The following RLN2 variants were observed in gnomAD, a reference collection of about 807,000 sequenced individuals.
RLN2 encodes the protein relaxin 2.
A neutral mutation model predicts 7.3 loss-of-function variants in RLN2; 10 were observed. The ratio of observed to expected loss-of-function variants is 1.36; its 90% CI spans 0.84 to 2.31. The LOEUF is 2.31. RLN2 is among the 30% of genes most tolerant of loss of function. The pLI, the probability that RLN2 is intolerant of heterozygous loss-of-function variation, is 0.00. For missense variants in RLN2, 298 were observed against 217.6 expected, an observed-to-expected ratio of 1.37 and a Z score of -2.32; for synonymous variants, 103 against 82.3, an observed-to-expected ratio of 1.25 and a Z score of -1.36.
the RLN2 span, among the ~76,000 whole-genome samples, chr9:5,310,524 G>T: frequency 6.6e-6 from 1 of 151,962 alleles, no homozygotes; most frequent in Non-Finnish European, 1.5e-5. Flanking sequence ...AGATCTTTCA[G>T]ATCCCCCAAT....
At chr9:5,304,209 A>C (rs1342469877) in intron 1 of RLN2, 161 bp downstream of exon 1, 2 of 546,716 alleles carry the variant, frequency 3.7e-6, no homozygotes, top group African/African-American at 6.0e-5. Context: ...GGCAAAGGAA[A>C]AGCCCAAACT....
the RLN2 span, among the ~76,000 whole-genome samples, chr9:5,322,681 C>A: frequency 6.6e-6 from 1 of 151,820 alleles, no homozygotes; most frequent in Non-Finnish European, 1.5e-5. Context: ...TCCCAACCCA[C>A]AATAGAATAT....
chr9:5,322,538 G>A, the RLN2 span, among the ~76,000 whole-genome samples: 68 of 151,890 alleles, frequency 4.5e-4, no homozygotes, highest in Middle Eastern at 3.4e-3. Context: ...TTTTTTTGTA[G>A]CAAGTGCTTT....
chr9:5,312,682 T>C, the RLN2 span, among the ~76,000 whole-genome samples: 2 of 151,958 alleles, frequency 1.3e-5, no homozygotes, highest in East Asian at 3.9e-4. Context: ...TGATTGTTTA[T>C]GGAGAGTATC....
chr9:5,317,468 C>A, the RLN2 span, among the ~76,000 whole-genome samples: 1 of 147,656 alleles, frequency 6.8e-6, no homozygotes, highest in African/African-American at 2.5e-5. Flanking sequence ...AAAAAAATAG[C>A]TGGGCTACAC....
chr9:5,324,689 C>T, the RLN2 span, among the ~76,000 whole-genome samples: 142 of 152,058 alleles, frequency 9.3e-4, 1 homozygote, highest in African/African-American at 3.2e-3. Flanking sequence ...ATAATTTGAA[C>T]CACCAGAACA....
Position 5,304,475 on chromosome 9 carries a change from C to G in RLN2, c.106G>C (p.Gly36Arg). Residue 36 changes from glycine (G) to arginine (R), a missense_variant, in exon 1 of 2, where the codon GGC (glycine) becomes CGC (arginine). Physicochemically the swap from Gly to Arg is moderately radical, Grantham distance 125. Transcript: ENST00000381627. ...SWMEEVIKLCGRELVRAQIAI... is the reference protein window; with the variant it reads ...SWMEEVIKLCRRELVRAQIAI... ...ATCTGCGCGCGAACTAATTCGCGGC[C>G]GCATAATTTAATAACTTCCTCCATC... The G allele has an allele frequency of 1.2e-6, 2 of 1,613,554 alleles. No homozygotes were observed. The highest frequency in any genetic ancestry group is 8.5e-7 in the Non-Finnish European group (1 of 1,179,872).
upstream of RLN2, among the ~76,000 whole-genome samples, chr9:5,307,271 G>A (rs960329969): frequency 1.4e-5 from 2 of 143,488 alleles, no homozygotes; most frequent in East Asian, 2.1e-4. Flanking sequence ...GATAGATAGA[G>A]GATAGATAGA....
the RLN2 span, among the ~76,000 whole-genome samples, chr9:5,333,286 TAAA>T: frequency 6.6e-6 from 1 of 151,714 alleles, no homozygotes; most frequent in African/African-American, 2.4e-5. Context: ...ACAACACTGA[TAAA>T]GAAGAAAAAG....
chr9:5,308,742 G>C (rs948380520), upstream of RLN2, among the ~76,000 whole-genome samples: 1 of 152,072 alleles, frequency 6.6e-6, no homozygotes, highest in Non-Finnish European at 1.5e-5. Flanking sequence ...CTGACCACAA[G>C]TTTCCTCCCT....
At chr9:5,304,280 G>A (rs1314220973) in intron 1 of RLN2, 90 bp downstream of exon 1, 4 of 829,882 alleles carry the variant, frequency 4.8e-6, no homozygotes, top group Admixed American at 2.3e-5. Flanking sequence ...ATCTCGAGTC[G>A]GACGTGCAGG....
At chr9:5,336,640 T>C in the RLN2 span, among the ~76,000 whole-genome samples, 4 of 152,122 alleles carry the variant, frequency 2.6e-5, no homozygotes, top group Non-Finnish European at 5.9e-5. Context: ...ATCCTAATTA[T>C]ACAATTTAAG....
the RLN2 span, among the ~76,000 whole-genome samples, chr9:5,329,043 C>G: frequency 6.6e-6 from 1 of 151,894 alleles, no homozygotes; most frequent in Non-Finnish European, 1.5e-5. Flanking sequence ...GTGGCTCACG[C>G]CTGTAATCCC....
chr9:5,315,269 A>T, the RLN2 span, among the ~76,000 whole-genome samples: 1 of 151,954 alleles, frequency 6.6e-6, no homozygotes, highest in Non-Finnish European at 1.5e-5. Context: ...AATAAAGAAG[A>T]AAACAGAAAT....
the RLN2 span, chr9:5,311,649 C>G: frequency 4.5e-6 from 6 of 1,332,952 alleles, no homozygotes; most frequent in East Asian, 2.3e-5. Context: ...GGGAATAACC[C>G]TGCAGAAAAT....
At chr9:5,302,163 T>G (rs1816161394) in intron 1 of RLN2, among the ~76,000 whole-genome samples, 1 of 152,228 alleles carries the variant, frequency 6.6e-6, no homozygotes, top group African/African-American at 2.4e-5. Flanking sequence ...ATTTTATACT[T>G]TTATTAAAAT....
upstream of RLN2, chr9:5,304,770 T>C: frequency 1.6e-6 from 1 of 612,576 alleles, no homozygotes; most frequent in South Asian, 2.0e-5. Context: ...CTCCACCCCT[T>C]TCCCACACCC....
upstream of RLN2, among the ~76,000 whole-genome samples, chr9:5,307,600 G>C (rs1434414447): frequency 1.3e-5 from 2 of 152,014 alleles, no homozygotes; most frequent in African/African-American, 4.8e-5. Context: ...TGAGGGATGT[G>C]GGTCAGGATG....
the RLN2 span, among the ~76,000 whole-genome samples, chr9:5,313,031 C>T: frequency 6.6e-6 from 1 of 151,912 alleles, no homozygotes; most frequent in Admixed American, 6.6e-5. Flanking sequence ...TTTGTGTGTG[C>T]ATGAAAAGAA....
Sources: allele counts gnomAD v4.1 joint callset (sites outside exome capture counted in the v4.1 genomes callset), GRCh38; gene constraint gnomAD v4.1.1; transcripts MANE v1.5; gene names NCBI Gene and HGNC (gene_info 2026-07-23, HGNC 2026-07-21).